Variants in RNF123 observed in about 807,000 individuals in gnomAD.
RNF123 encodes E3 ubiquitin-protein ligase RNF123.
In RNF123, 86 loss-of-function variants were observed where a neutral mutation model predicts 168.5. The observed-to-expected ratio is 0.51, with a 90% CI of 0.43 to 0.61. The LOEUF is 0.61. RNF123 is among the 20% of genes least tolerant of loss of function. The pLI is 0.00. For missense variants in RNF123, 1,419 were observed against 1,729.7 expected (o/e 0.82, Z 3.19); for synonymous variants, 666 against 689.1 (o/e 0.97, Z 0.52).
chr3:49,717,422 G>C (rs2080269848), intron 35 of RNF123: 1 of 167,960 alleles, frequency 6.0e-6, no homozygotes, highest in South Asian at 1.3e-4. Flanking sequence ...CTGGGGTGTG[G>C]GCGAGATCTT....
intron 3 of RNF123, among the ~76,000 whole-genome samples, chr3:49,696,216 G>C (rs1407174471): frequency 1.3e-5 from 2 of 152,176 alleles, no homozygotes; most frequent in African/African-American, 4.8e-5. Context: ...CATCAGCACA[G>C]CCACCTTTGA....
intron 35 of RNF123, chr3:49,717,990 G>A (rs754394463): frequency 7.4e-6 from 12 of 1,613,592 alleles, no homozygotes; most frequent in Admixed American, 3.3e-5. Flanking sequence ...TGGAGCTGGC[G>A]GACTCAGAGC....
At position 49,719,174 on chromosome 3, in the gene RNF123, C is replaced by G. The variant is rs750202189; in HGVS notation, c.3501-1337C>G. 6.8e-6 allele frequency: 11 copies of G among 1,613,418 alleles called. No homozygotes were observed. The East Asian group carries it at 2.0e-4, about 29-fold the overall frequency. On this transcript the variant is annotated intron_variant, in intron 35 of 38. Transcript: ENST00000327697. Reference sequence around the variant, plus strand: ...ACGAAGACGCCGCGACCCAGCGCATCTAGTTCGTTGTGGTCTAGGTGCAGG... The same window carrying G: ...ACGAAGACGCCGCGACCCAGCGCATGTAGTTCGTTGTGGTCTAGGTGCAGG...
At chr3:49,709,916 C>T (rs1021291950) in intron 26 of RNF123, among the ~76,000 whole-genome samples, 3 of 151,824 alleles carry the variant, frequency 2.0e-5, no homozygotes, top group African/African-American at 7.3e-5. Flanking sequence ...ATCATTTCTA[C>T]AGTGGCTGTG....
rs1013660581 is a variant in RNF123, at chr3:49,699,395, G to C, written c.765-73G>C. On this transcript the variant is annotated intron_variant, in intron 10 of 38. Transcript: ENST00000327697. The surrounding 1 kb of genome is among the most constrained non-coding windows in gnomAD (Gnocchi z 4.8). ...TGCCCTAGAGCCCAGGCCCCGGGGTGGGGGGTGGGCAGTGGAGAGGGAGTA... is the reference window on the plus strand; with the variant it reads ...TGCCCTAGAGCCCAGGCCCCGGGGTCGGGGGTGGGCAGTGGAGAGGGAGTA... 24 of 1,310,394 alleles carry C rather than the reference G, an allele frequency of 1.8e-5. No homozygotes were observed. Among genetic ancestry groups the C allele is most frequent in the South Asian group, 6.5e-5 (5 of 76,662 alleles). 81.2% of individuals were successfully genotyped at this position (1,310,394 alleles called of 1,614,324 possible). A position where few individuals can be genotyped will look rare whatever the true frequency, so the allele number is the denominator to read the frequency against.
Position 49,712,674 on chromosome 3 carries a change from G to A in RNF123, c.2674+18G>A, listed in dbSNP as rs1192665392. 1.9e-6 allele frequency: 3 copies of A among 1,613,902 alleles called. No homozygotes were observed. The highest frequency in any genetic ancestry group is 2.5e-6 in the Non-Finnish European group (3 of 1,179,968). On this transcript the variant is annotated intron_variant, in intron 27 of 38. Coordinates refer to ENST00000327697, the MANE Select transcript of RNF123 (RefSeq NM_022064.5). ...GCTCCCAGGTGATGGAACCATTCAG[G>A]CTGAGGCAGAAGCAGAAAAGGGGTC... is the stretch of plus-strand genomic sequence containing the variant.
At chr3:49,708,015 C>T (rs2054551652) in intron 26 of RNF123, among the ~76,000 whole-genome samples, 1 of 152,046 alleles carries the variant, frequency 6.6e-6, no homozygotes, top group Non-Finnish European at 1.5e-5. Context: ...GAGACAGAGT[C>T]TCACTCTGTT....
At position 49,715,570 on chromosome 3, in the gene RNF123, T is replaced by C. The variant is rs34614773; in HGVS notation, c.3011-5T>C. The stretch of plus-strand genomic sequence containing the variant: ...CTGATGATGCCGCCTCCTGTCCCCC[T>C]GCAGAGCCCTGCCCTTCCACCCTGC... On this transcript the variant is annotated splice_polypyrimidine_tract_variant and splice_region_variant and intron_variant, in intron 31 of 38. Transcript: ENST00000327697. The C allele has an allele frequency of 1.2e-6, 2 of 1,613,224 alleles. No individual in the cohort carries two copies. Among genetic ancestry groups the C allele is most frequent in the Non-Finnish European group, 1.7e-6 (2 of 1,179,684 alleles).
Position 49,701,575 on chromosome 3 carries a change from C to T in RNF123, c.1362C>T (p.Pro454=). The change falls in exon 16 of 39, where the codon CCC becomes CCT. Residue 454 remains proline (P), a synonymous_variant. Transcript: ENST00000327697. ...AGGCCGGCCTGCAGGAGCTCATTCC[C>T]ACCACCTGGTGGCCCCACTGCTCCA... ...VEEAGLQELI[P]TTWWPHCSSR... The T allele has an allele frequency of 6.2e-7, 1 of 1,613,788 alleles. No homozygotes were observed. Among genetic ancestry groups the T allele is most frequent in the Non-Finnish European group, 8.5e-7 (1 of 1,179,968 alleles).
Position 49,702,403 on chromosome 3 carries a change from G to A in RNF123, c.1627G>A (p.Gly543Arg), listed in dbSNP as rs200547779. Residue 543 changes from glycine (G) to arginine (R), a missense_variant and splice_region_variant, in exon 19 of 39, where the codon GGG becomes AGG. Around this residue, in one of 5 missense-constraint regions of RNF123, gnomAD observed 349 missense variants for 344.9 expected, o/e 1.01. Coordinates refer to ENST00000327697, the MANE Select transcript of RNF123 (RefSeq NM_022064.5). ...TCTGCAGGAGAACGCCAGTGGCCGGGGGGTAGGTGTCCTCCAGGCCAGCCC... is the reference window on the plus strand; with the variant it reads ...TCTGCAGGAGAACGCCAGTGGCCGGAGGGTAGGTGTCCTCCAGGCCAGCCC... ...KFLQENASGRGNMPMLCPPEY... is the reference protein window; with the variant it reads ...KFLQENASGRRNMPMLCPPEY... 4 of 1,614,152 alleles carry A rather than the reference G, an allele frequency of 2.5e-6. No individual in the cohort carries two copies. Among genetic ancestry groups the A allele is most frequent in the Non-Finnish European group, 3.4e-6 (4 of 1,180,006 alleles).
intron 26 of RNF123, 119 bp downstream of exon 26, chr3:49,707,017 T>C: frequency 1.4e-6 from 1 of 737,252 alleles, no homozygotes; most frequent in South Asian, 1.6e-5. Flanking sequence ...CACATGTCCC[T>C]TCCCACACTT....
chr3:49,706,456 C>T lies in RNF123; in HGVS notation c.2389-335C>T, dbSNP rs2054521488. ...GTGTGTCCAGGCTGAGCTTCCCTGA[C>T]AGCCCCCACCCACCCCGACCTGTCA... On this transcript the variant is annotated intron_variant, in intron 25 of 38. Transcript: ENST00000327697. 3.9e-5 allele frequency among the ~76,000 whole-genome samples: 6 copies of T among 152,244 alleles called. No individual in the cohort carries two copies. The South Asian group carries it at 1.0e-3, about 26-fold the overall frequency.
Position 49,720,610 on chromosome 3 carries a change from T to C in RNF123, c.3600T>C (p.Thr1200=), listed in dbSNP as rs776319286. ...LGQPEPPAPG[T]ALPAPDRKRF... ...AGCCAGAGCCCCCAGCACCTGGCAC[T>C]GCTCTGCCAGCCCCTGACCGGAAGC... The change falls in exon 36 of 39, where the codon ACT becomes ACC. Residue 1200 remains threonine, a synonymous_variant. Transcript: ENST00000327697. 1 of 1,608,408 alleles carries C rather than the reference T, an allele frequency of 6.2e-7. No homozygotes were observed. The highest frequency in any genetic ancestry group is 2.2e-5 in the East Asian group (1 of 44,736).
Position 49,691,189 on chromosome 3 carries a change from G to C in RNF123, c.24G>C (p.Met8Ile), listed in dbSNP as rs1357056313. The C allele has an allele frequency of 6.2e-7, 1 of 1,613,926 alleles. No homozygotes were observed. The highest frequency in any genetic ancestry group is 8.5e-7 in the Non-Finnish European group (1 of 1,179,834). ...GGATGGCATCCAAGGGGGCCGGCAT[G>C]TCTTTCTCCCGCAAGAGCTATAGGC... Reference protein sequence around the residue: MASKGAGMSFSRKSYRLT... With the variant: MASKGAGISFSRKSYRLT... The change falls in exon 2 of 39, where the codon ATG (methionine) becomes ATC (isoleucine). Residue 8 changes from methionine to isoleucine, a missense_variant. Physicochemically the swap from Met to Ile is conservative, Grantham distance 10. This residue lies in a region of RNF123 where 318 missense variants were observed against 446.6 expected (regional missense o/e 0.71). Coordinates refer to ENST00000327697, the MANE Select transcript of RNF123 (RefSeq NM_022064.5).
At chr3:49,709,218 G>A (rs530249955) in intron 26 of RNF123, among the ~76,000 whole-genome samples, 1 of 151,668 alleles carries the variant, frequency 6.6e-6, no homozygotes, top group African/African-American at 2.4e-5. Flanking sequence ...GGCAGCCTCT[G>A]CCTCCCAGGT....
At position 49,714,127 on chromosome 3, in the gene RNF123, A is replaced by G. The variant is rs2080196229; in HGVS notation, c.2963A>G (p.His988Arg). The G allele has an allele frequency of 1.2e-6, 2 of 1,614,034 alleles. No homozygotes were observed. The highest frequency in any genetic ancestry group is 2.7e-5 in the African/African-American group (2 of 74,926). Residue 988 changes from histidine to arginine, a missense_variant, in exon 31 of 39, where the codon CAT becomes CGT. This residue lies in a region of RNF123 where 538 missense variants were observed against 708.8 expected (regional missense o/e 0.76). Coordinates refer to ENST00000327697, the MANE Select transcript of RNF123 (RefSeq NM_022064.5). ...GFGYRYTRLP[H>R]LLKTKLEDAN... Reference sequence around the variant, plus strand: ...GGGTACCGCTATACACGGCTGCCACATCTGCTGAAAACCAAACTTGAGGAC... The same window carrying G: ...GGGTACCGCTATACACGGCTGCCACGTCTGCTGAAAACCAAACTTGAGGAC...
intron 27 of RNF123, chr3:49,712,909 T>G (rs1392772448): frequency 2.8e-6 from 2 of 703,234 alleles, no homozygotes; most frequent in African/African-American, 3.5e-5. Flanking sequence ...GTAGACCTCT[T>G]GGCTTTCACT....
chr3:49,698,674 G>A, intron 8 of RNF123, 81 bp from the exon 9 acceptor site: 1 of 1,562,530 alleles, frequency 6.4e-7, no homozygotes, highest in South Asian at 1.1e-5. Flanking sequence ...TCCCTTGGGT[G>A]GTTCTGGAAA....
chr3:49,701,850 G>C lies in RNF123; in HGVS notation c.1435G>C (p.Glu479Gln), dbSNP rs1466224347. The change falls in exon 17 of 39, where the codon GAG becomes CAG. Residue 479 changes from glutamate (E) to glutamine (Q), a missense_variant. Physicochemically the swap from Glu to Gln is conservative, Grantham distance 29. This residue lies in a region of RNF123 where 349 missense variants were observed against 344.9 expected (regional missense o/e 1.01). Coordinates refer to ENST00000327697, the MANE Select transcript of RNF123 (RefSeq NM_022064.5). ...GGAGATGAAGGAGGAGACCGCAGAGGAGCGGCTGCGGCGGCGAGCCTACGA... is the reference window on the plus strand; with the variant it reads ...GGAGATGAAGGAGGAGACCGCAGAGCAGCGGCTGCGGCGGCGAGCCTACGA... ...STEMKEETAEERLRRRAYERG... is the reference protein window; with the variant it reads ...STEMKEETAEQRLRRRAYERG... 6.4e-7 allele frequency: 1 copy of C among 1,573,584 alleles called. No homozygotes were observed. Among genetic ancestry groups the C allele is most frequent in the South Asian group, 1.2e-5 (1 of 85,748 alleles).
Sources: gnomAD v4.1 joint callset for allele counts (sites outside exome capture counted in the v4.1 genomes callset) on GRCh38, gnomAD v4.1.1 for gene constraint, gnomAD v4.1.1 regional missense constraint, Gnocchi (gnomAD v3.1) non-coding constraint, MANE v1.5 for transcripts, NCBI Gene and HGNC (gene_info 2026-07-23, HGNC 2026-07-21) for gene names.